ZFHX3: variants seen among roughly 807,000 people sequenced by gnomAD.
ZFHX3 encodes zinc finger homeobox 3.
In ZFHX3, 42 loss-of-function variants were observed where a neutral mutation model predicts 279.1. The ratio of observed to expected loss-of-function variants is 0.15; its 90% CI spans 0.12 to 0.19. The LOEUF (loss-of-function observed/expected upper bound fraction) is 0.19. ZFHX3 is among the 10% of genes least tolerant of loss of function. ZFHX3 has a pLI of 1.00. For synonymous variants in ZFHX3, 2,293 were observed against 1,957.8 expected (o/e 1.17, Z -4.52); for missense variants, 4,981 against 4,754.0 (o/e 1.05, Z -1.40).
rs1003332258 is a variant in ZFHX3, at chr16:73,393,211, A to G, written c.-1291+62792T>C. On this transcript the variant is annotated intron_variant, in intron 3 of 17. Transcript: ENST00000641206. ...CAATCCTTCCATCTCAGCCTCCCCAAATGTTGGGATTACAGATGGGAGCCA... is the reference window on the plus strand; with the variant it reads ...CAATCCTTCCATCTCAGCCTCCCCAGATGTTGGGATTACAGATGGGAGCCA... Among the ~76,000 whole-genome samples, 4 of 152,110 alleles carry G rather than the reference A, an allele frequency of 2.6e-5. No individual in the cohort carries two copies. The South Asian group carries it at 8.3e-4, about 32-fold the overall frequency.
At chr16:73,733,624 G>A (rs2053586737) in intron 1 of ZFHX3, among the ~76,000 whole-genome samples, 1 of 151,942 alleles carries the variant, frequency 6.6e-6, no homozygotes, top group Admixed American at 6.6e-5. Flanking sequence ...GAACTGTGTT[G>A]ACTACTTTAA....
intron 2 of ZFHX3, among the ~76,000 whole-genome samples, chr16:73,532,069 C>T (rs2019813935): frequency 6.6e-6 from 1 of 151,950 alleles, no homozygotes; most frequent in Non-Finnish European, 1.5e-5. Flanking sequence ...GCCTGGGCAA[C>T]AGAGTGAGAC....
chr16:73,129,416 A>C (rs1966633500), intron 7 of ZFHX3, among the ~76,000 whole-genome samples: 1 of 151,026 alleles, frequency 6.6e-6, no homozygotes, highest in African/African-American at 2.4e-5. Context: ...ACACACACAG[A>C]ATTGAAGTGA....
At chr16:73,198,341 C>CTTT (rs79436905) in intron 5 of ZFHX3, among the ~76,000 whole-genome samples, 2 of 130,204 alleles carry the variant, frequency 1.5e-5, no homozygotes, top group East Asian at 2.3e-4. Context: ...ATGCTGGTAT[C>CTTT]TTTTTTTTTT....
intron 4 of ZFHX3, among the ~76,000 whole-genome samples, chr16:73,284,850 GT>G (rs1248531369): frequency 6.6e-6 from 1 of 151,852 alleles, no homozygotes; most frequent in Non-Finnish European, 1.5e-5. Flanking sequence ...CTTTGTTTTT[GT>G]TTTGTTTTTA....
rs1408407839 is a variant in ZFHX3, at chr16:73,563,264, G to T, written c.-1546-107006C>A. Among the ~76,000 whole-genome samples, 76 of 149,026 alleles carry T rather than the reference G, an allele frequency of 5.1e-4. 1 individual carries two copies. Among genetic ancestry groups the T allele is most frequent in the African/African-American group, 1.7e-3 (67 of 40,378 alleles). On this transcript the variant is annotated intron_variant, in intron 2 of 17. Coordinates refer to the ZFHX3 transcript ENST00000641206. ...TTTTTGTTTTTTTTTTTGAGAGGGA[G>T]TCTCACTCTGCCACCCGGGCTGGAG...
At chr16:73,891,880 A>T (rs1430286425), upstream of ZFHX3, 2 of 152,190 alleles carry the variant, frequency 1.3e-5, no homozygotes, top group East Asian at 1.9e-4. Flanking sequence ...CCAGGGCTAC[A>T]GGGGGAGGGA....
intron 2 of ZFHX3, among the ~76,000 whole-genome samples, chr16:73,505,515 C>T (rs2019311348): frequency 6.6e-6 from 1 of 151,198 alleles, no homozygotes; most frequent in South Asian, 2.1e-4. Context: ...ACTACTTAGA[C>T]AGTCACTCTT....
intron 1 of ZFHX3, among the ~76,000 whole-genome samples, chr16:73,695,723 G>A (rs1012983825): frequency 4.6e-5 from 7 of 152,162 alleles, no homozygotes; most frequent in South Asian, 2.1e-4. Flanking sequence ...GCGATAAGAT[G>A]GCCTTTGTGA....
intron 2 of ZFHX3, among the ~76,000 whole-genome samples, chr16:73,566,688 C>CTTTTT (rs35009584): frequency 8.3e-6 from 1 of 120,020 alleles, no homozygotes; most frequent in Admixed American, 8.8e-5. Flanking sequence ...ACCAAGCTAA[C>CTTTTT]TTTTTTTTTT....
chr16:73,669,394 T>A (rs1414725757), intron 2 of ZFHX3, among the ~76,000 whole-genome samples: 1 of 152,162 alleles, frequency 6.6e-6, no homozygotes, highest in Non-Finnish European at 1.5e-5. Context: ...TTAACTGAAT[T>A]CAACTGGAGA....
At chr16:73,187,350 T>G (rs1967936914) in intron 5 of ZFHX3, among the ~76,000 whole-genome samples, 1 of 151,974 alleles carries the variant, frequency 6.6e-6, no homozygotes, top group Non-Finnish European at 1.5e-5. Flanking sequence ...GGATTTTTTT[T>G]TTTTTAAATT....
chr16:72,911,969 A>G (rs187870613), intron 3 of ZFHX3, among the ~76,000 whole-genome samples: 21 of 152,368 alleles, frequency 1.4e-4, no homozygotes, highest in African/African-American at 5.1e-4. Flanking sequence ...CAAGCCCGGT[A>G]ATGTAGACGC....
At chr16:73,692,699 C>G (rs575161137) in intron 1 of ZFHX3, among the ~76,000 whole-genome samples, 1 of 152,180 alleles carries the variant, frequency 6.6e-6, no homozygotes, top group Non-Finnish European at 1.5e-5. Flanking sequence ...GAACAATTTA[C>G]CCATCCAATT....
chr16:73,810,782 T>A (rs542285664), intron 1 of ZFHX3, among the ~76,000 whole-genome samples: 18 of 152,306 alleles, frequency 1.2e-4, no homozygotes, highest in Admixed American at 1.1e-3. Context: ...AGCTGTATGG[T>A]CTTGAGTACA....
At chr16:73,198,661 G>C (rs1156577356) in intron 5 of ZFHX3, among the ~76,000 whole-genome samples, 2 of 152,128 alleles carry the variant, frequency 1.3e-5, no homozygotes, top group East Asian at 3.9e-4. Context: ...TAGACCTCCA[G>C]ATTCAGTTGG....
chr16:73,073,149 G>C lies in ZFHX3; in HGVS notation c.-532-14137C>G, dbSNP rs536192719. 5.3e-5 allele frequency among the ~76,000 whole-genome samples: 8 copies of C among 151,816 alleles called. No homozygotes were observed. The South Asian group carries it at 1.2e-3, about 24-fold the overall frequency. ...TGAGCTCTGGCAATCTGCTTGCCTC[G>C]GCCTCCCAAAGTGCTAGGATTACAG... On this transcript the variant is annotated intron_variant, in intron 8 of 17. Coordinates refer to the ZFHX3 transcript ENST00000641206.
intron 1 of ZFHX3, among the ~76,000 whole-genome samples, chr16:73,747,576 T>C (rs1292532496): frequency 6.6e-6 from 1 of 152,138 alleles, no homozygotes; most frequent in Non-Finnish European, 1.5e-5. Context: ...ACCAGTCCTA[T>C]GGATTTAACA....
intron 2 of ZFHX3, among the ~76,000 whole-genome samples, chr16:73,578,574 T>A (rs1401630955): frequency 6.6e-6 from 1 of 152,104 alleles, no homozygotes; most frequent in Non-Finnish European, 1.5e-5. Context: ...CACTAACATG[T>A]AATACAAACT....
Sources: gnomAD v4.1 joint callset for allele counts (sites outside exome capture counted in the v4.1 genomes callset) on GRCh38, gnomAD v4.1.1 for gene constraint, MANE v1.5 for transcripts, NCBI Gene and HGNC (gene_info 2026-07-23, HGNC 2026-07-21) for gene names.